NOS1: variants seen among roughly 807,000 people sequenced by gnomAD.
NOS1 encodes NOS type I.
Under a neutral mutation model 164.5 loss-of-function variants are expected in NOS1, and 51 were observed. The observed-to-expected ratio is 0.31, with a 90% confidence interval of 0.25 to 0.39. The LOEUF (loss-of-function observed/expected upper bound fraction) is 0.39. Ranked by LOEUF, NOS1 falls within the 10% of genes least tolerant of loss-of-function variation. The pLI, the probability that NOS1 is intolerant of heterozygous loss-of-function variation, is 1.00. For synonymous variants in NOS1, 719 were observed against 745.8 expected (o/e 0.96, Z 0.59); for missense variants, 1,362 against 1,885.6 (o/e 0.72, Z 5.14).
intron 12 of NOS1, among the ~76,000 whole-genome samples, chr12:117,264,554 TCTTC>T (rs34589596): frequency 0.093 from 12,521 of 134,432 alleles, 694 homozygotes; most frequent in East Asian, 0.13. Context: ...TCCCTTCCCT[TCTTC>T]CTTCCTTTCT....
Position 117,214,523 on chromosome 12 carries a change from C to A in NOS1, c.*786G>T, listed in dbSNP as rs1956573410. On this transcript the variant is annotated 3_prime_UTR_variant, in exon 29 of 29. Transcript: ENST00000317775. The stretch of plus-strand genomic sequence containing the variant: ...CAATCCATTGGATGGGTTCATGTCA[C>A]ATGAGGGCTCTGCTCACTGGTATCA... 1.0e-6 allele frequency: 1 copy of A among 985,278 alleles called. No homozygotes were observed. The highest frequency in any genetic ancestry group is 1.2e-6 in the Non-Finnish European group (1 of 829,944). 61.0% of individuals were successfully genotyped at this position (985,278 alleles called of 1,614,324 possible).
chr12:117,280,585 A>G (rs1873559502), intron 8 of NOS1, 140 bp downstream of exon 8: 1 of 864,384 alleles, frequency 1.2e-6, no homozygotes, highest in Non-Finnish European at 1.8e-6. Context: ...GAACAGCCTG[A>G]TGGAGAAGCA....
chr12:117,314,534 C>G (rs186995055), intron 2 of NOS1, among the ~76,000 whole-genome samples: 3 of 152,322 alleles, frequency 2.0e-5, no homozygotes, highest in Admixed American at 2.0e-4. Context: ...ATGTAAGTTT[C>G]CCAAGGTCCC....
chr12:117,313,805 A>G (rs1593015591), intron 2 of NOS1, among the ~76,000 whole-genome samples: 2 of 152,136 alleles, frequency 1.3e-5, no homozygotes, highest in East Asian at 1.9e-4. Context: ...CTACTTCCCA[A>G]CAGCCTTTCT....
chr12:117,360,267 G>C (rs937586591), intron 1 of NOS1, among the ~76,000 whole-genome samples: 1 of 152,028 alleles, frequency 6.6e-6, no homozygotes. Context: ...CCCTGGGGGT[G>C]GGGGCGAGCG....
At chr12:117,318,295 G>A (rs1277393544) in intron 2 of NOS1, among the ~76,000 whole-genome samples, 1 of 152,122 alleles carries the variant, frequency 6.6e-6, no homozygotes, top group Non-Finnish European at 1.5e-5. Flanking sequence ...CACACTGGGA[G>A]ACCCATTTCC....
At chr12:117,316,869 A>C (rs896703110) in intron 2 of NOS1, among the ~76,000 whole-genome samples, 2 of 151,670 alleles carry the variant, frequency 1.3e-5, no homozygotes, top group Non-Finnish European at 2.9e-5. Context: ...AAATTTAGTA[A>C]CTCTGTTTTT....
chr12:117,307,000 G>A (rs891875833), intron 3 of NOS1, among the ~76,000 whole-genome samples: 2 of 152,220 alleles, frequency 1.3e-5, no homozygotes, highest in Admixed American at 6.5e-5. Context: ...CTGAGGTCCT[G>A]TTCTCAATGT....
Position 117,208,609 on chromosome 12 carries a change from G to C in NOS1, c.*6700C>G. 8.5e-7 allele frequency: 1 copy of C among 1,177,992 alleles called. No individual in the cohort carries two copies. The highest frequency in any genetic ancestry group is 1.1e-6 in the Non-Finnish European group (1 of 934,806). 73.0% of individuals were successfully genotyped at this position (1,177,992 alleles called of 1,614,324 possible). On this transcript the variant is annotated 3_prime_UTR_variant, in exon 29 of 29. Transcript: ENST00000317775. ...AGTGGCGGCAGAGCACAGGACATGG[G>C]AGGGGACTGAGACCCAGCTCAAGAG...
Position 117,266,624 on chromosome 12 carries a change from A to T in NOS1, c.1942-1114T>A, listed in dbSNP as rs551554760. 2.7e-3 allele frequency among the ~76,000 whole-genome samples: 398 copies of T among 148,858 alleles called. 7 individuals are homozygous for T. The highest frequency in any genetic ancestry group is 7.1e-3 in the Middle Eastern group (2 of 280). ...GCAATCTCGGCTCGCCGCAACCTCTATCTTCCAGGCTCAAGTGATTCTCCT... is the reference window on the plus strand; with the variant it reads ...GCAATCTCGGCTCGCCGCAACCTCTTTCTTCCAGGCTCAAGTGATTCTCCT... On this transcript the variant is annotated intron_variant, in intron 11 of 28. Coordinates refer to ENST00000317775, the MANE Select transcript of NOS1 (RefSeq NM_000620.5).
intron 22 of NOS1, among the ~76,000 whole-genome samples, chr12:117,228,276 G>A (rs1868877434): frequency 6.6e-6 from 1 of 152,156 alleles, no homozygotes; most frequent in East Asian, 1.9e-4. Flanking sequence ...GAGGTCCCAT[G>A]GCTACTAGGT....
Position 117,286,244 on chromosome 12 carries a change from C to T in NOS1, c.1150G>A (p.Glu384Lys), listed in dbSNP as rs766186142. The part of the protein sequence containing the change: ...IKRFGSKAHM[E>K]RLEEVNKEID... ...TCTTTGTTCACCTCTTCCAGCCTTT[C>T]CATGTGGGCTTTGGAGCCAAATCTG... is the stretch of plus-strand genomic sequence containing the variant. Residue 384 changes from glutamate to lysine, a missense_variant, in exon 6 of 29, where the codon GAA (glutamate) becomes AAA (lysine). Glu to Lys is a moderately conservative substitution (Grantham distance 56, BLOSUM62 1). Transcript: ENST00000317775. 8 of 1,614,056 alleles carry T rather than the reference C, an allele frequency of 5.0e-6. 1 individual carries two copies. In the South Asian group the frequency reaches 8.8e-5, roughly 18 times the overall value.
At chr12:117,269,972 C>T (rs372365636) in intron 10 of NOS1, among the ~76,000 whole-genome samples, 6 of 152,182 alleles carry the variant, frequency 3.9e-5, no homozygotes, top group African/African-American at 7.2e-5. Flanking sequence ...ACTTGTCCAA[C>T]GTCCACAGAA....
chr12:117,322,217 T>C (rs1281890731), intron 2 of NOS1, among the ~76,000 whole-genome samples: 1 of 124,112 alleles, frequency 8.1e-6, no homozygotes, highest in Non-Finnish European at 1.7e-5. Flanking sequence ...CTTCCCTCCC[T>C]CTTTCCTTCC....
chr12:117,283,036 T>TTATATA lies in NOS1; in HGVS notation c.1383-2176_1383-2171dup, dbSNP rs397851004. On this transcript the variant is annotated intron_variant, in intron 7 of 28. Coordinates refer to ENST00000317775, the MANE Select transcript of NOS1 (RefSeq NM_000620.5). ...CTATGCACAGATTATTCCTATAACA[T>TTATATA]TATATATATATATATATATATTTTT... is the stretch of plus-strand genomic sequence containing the variant. Among the ~76,000 whole-genome samples the TTATATA allele has an allele frequency of 1.8e-3, 221 of 125,412 alleles. 1 individual carries two copies. Among genetic ancestry groups the TTATATA allele is most frequent in the African/African-American group, 6.4e-3 (206 of 32,148 alleles). The allele number at this position is 125,412 out of a possible 152,430, so 82.3% of individuals were successfully genotyped here. A position where few individuals can be genotyped will look rare whatever the true frequency, so the allele number is the denominator to read the frequency against.
chr12:117,320,895 G>A (rs1874885942), intron 2 of NOS1, among the ~76,000 whole-genome samples: 1 of 152,128 alleles, frequency 6.6e-6, no homozygotes, highest in Non-Finnish European at 1.5e-5. Flanking sequence ...TTTTCAGAAA[G>A]CCCCTTCCTG....
Position 117,265,452 on chromosome 12 carries a change from A to G in NOS1, c.2000T>C (p.Met667Thr). The G allele has an allele frequency of 3.8e-6, 6 of 1,585,934 alleles. No homozygotes were observed. Among genetic ancestry groups the G allele is most frequent in the Non-Finnish European group, 5.1e-6 (6 of 1,166,746 alleles). ...CCCCCGGCAGCGGTACTCATTCTCCATGTGCTTAATGAAGGACTCGGTGGC... is the reference window on the plus strand; with the variant it reads ...CCCCCGGCAGCGGTACTCATTCTCCGTGTGCTTAATGAAGGACTCGGTGGC... ...HSATESFIKH[M>T]ENEYRCRGGC... Residue 667 changes from methionine to threonine, a missense_variant, in exon 12 of 29, where the codon ATG becomes ACG. Coordinates refer to ENST00000317775, the MANE Select transcript of NOS1 (RefSeq NM_000620.5).
chr12:117,228,895 C>T (rs1868939671), intron 22 of NOS1, among the ~76,000 whole-genome samples: 1 of 152,156 alleles, frequency 6.6e-6, no homozygotes, highest in Admixed American at 6.5e-5. Context: ...CATTCTCCTG[C>T]CTCAGCCTCC....
At chr12:117,315,664 G>A (rs1485036698) in intron 2 of NOS1, among the ~76,000 whole-genome samples, 2 of 152,204 alleles carry the variant, frequency 1.3e-5, no homozygotes, top group African/African-American at 4.8e-5. Flanking sequence ...GGGGTTGCAG[G>A]AGCAGTGTAG....
Sources: allele counts gnomAD v4.1 joint callset (sites outside exome capture counted in the v4.1 genomes callset), GRCh38; gene constraint gnomAD v4.1.1; transcripts MANE v1.5; gene names NCBI Gene and HGNC (gene_info 2026-07-23, HGNC 2026-07-21).